Variants in CMIP observed in about 807,000 individuals in gnomAD.
The protein encoded by CMIP is C-Maf-inducing protein.
CMIP carries 13 observed loss-of-function variants against 97.3 expected under a neutral mutation model. The observed-to-expected ratio is 0.13, with a 90% CI of 0.09 to 0.21. The LOEUF (loss-of-function observed/expected upper bound fraction) is 0.21, where lower values mean the gene tolerates loss of function less well. CMIP is among the 10% of genes least tolerant of loss of function. The pLI is 1.00. For synonymous variants in CMIP, 538 were observed against 436.3 expected (o/e 1.23, Z -2.91); for missense variants, 847 against 1,024.9 (o/e 0.83, Z 2.37).
intron 1 of CMIP, among the ~76,000 whole-genome samples, chr16:81,595,529 C>T (rs1440822289): frequency 2.6e-5 from 4 of 152,042 alleles, no homozygotes; most frequent in Non-Finnish European, 2.9e-5. Flanking sequence ...GCTGGGACTA[C>T]AGGTGGATGC....
At chr16:81,622,799 CTG>C (rs2092010212) in intron 3 of CMIP, among the ~76,000 whole-genome samples, 1 of 152,210 alleles carries the variant, frequency 6.6e-6, no homozygotes, top group African/African-American at 2.4e-5. Flanking sequence ...TTTGTGAAAT[CTG>C]TGAGTATTGC....
intron 1 of CMIP, among the ~76,000 whole-genome samples, chr16:81,481,797 G>C (rs937830893): frequency 6.6e-6 from 1 of 151,928 alleles, no homozygotes; most frequent in Non-Finnish European, 1.5e-5. Context: ...GAGGCTGCTC[G>C]CATTCCTTCC....
At chr16:81,671,476 T>G (rs2092682637) in intron 8 of CMIP, among the ~76,000 whole-genome samples, 1 of 152,258 alleles carries the variant, frequency 6.6e-6, no homozygotes. Flanking sequence ...CTCATCATTT[T>G]TCTTCCAAAG....
chr16:81,664,191 C>T, intron 6 of CMIP, 78 bp from the exon 7 acceptor site: 1 of 1,402,138 alleles, frequency 7.1e-7, no homozygotes, highest in East Asian at 2.6e-5. Flanking sequence ...GCTGACTGTC[C>T]CCAGCCCTGC....
intron 9 of CMIP, among the ~76,000 whole-genome samples, chr16:81,675,640 A>C (rs984825701): frequency 1.3e-5 from 2 of 151,950 alleles, no homozygotes; most frequent in African/African-American, 4.8e-5. Flanking sequence ...TTCTAAACAA[A>C]CTCCACAAGT....
intron 1 of CMIP, among the ~76,000 whole-genome samples, chr16:81,451,749 A>G (rs16955361): frequency 0.012 from 1,786 of 152,286 alleles, 25 homozygotes; most frequent in African/African-American, 0.04. Context: ...GCTGACTTCC[A>G]CCCACAGAAC....
At chr16:81,452,571 A>G (rs898965) in intron 1 of CMIP, among the ~76,000 whole-genome samples, 4 of 151,676 alleles carry the variant, frequency 2.6e-5, no homozygotes, top group Non-Finnish European at 5.9e-5. Flanking sequence ...TGCTTTGTAC[A>G]TAGTGGTCAG....
In CMIP at chr16:81,566,368, T is replaced by G. The variant is rs562767602; in HGVS notation, c.301-41199T>G. On this transcript the variant is annotated intron_variant, in intron 1 of 20. Transcript: ENST00000537098. ...CTTTCAGACAGTGAAGGAGCCTTCC[T>G]CCCTCACTGCTGCTGTTCCTTCCTT... Among the ~76,000 whole-genome samples, 4 of 152,322 alleles carry G rather than the reference T, an allele frequency of 2.6e-5. No homozygotes were observed. The South Asian group carries it at 8.3e-4, about 32-fold the overall frequency.
chr16:81,559,059 C>T (rs1394818638), intron 1 of CMIP, among the ~76,000 whole-genome samples: 1 of 152,242 alleles, frequency 6.6e-6, no homozygotes, highest in Non-Finnish European at 1.5e-5. Flanking sequence ...CTGGGCGCCC[C>T]TCCTGCCGCC....
At chr16:81,660,516 C>G (rs1321612802) in intron 5 of CMIP, among the ~76,000 whole-genome samples, 2 of 152,168 alleles carry the variant, frequency 1.3e-5, no homozygotes, top group African/African-American at 4.8e-5. Flanking sequence ...CTCAAGTGAT[C>G]TACCTGCCTT....
intron 7 of CMIP, among the ~76,000 whole-genome samples, chr16:81,669,260 ACCT>A (rs1371279724): frequency 1.3e-5 from 1 of 76,290 alleles, no homozygotes; most frequent in Non-Finnish European, 2.5e-5. Flanking sequence ...TCTCACACTC[ACCT>A]CCTTCCACAT....
chr16:81,650,761 G>T (rs937299545), intron 3 of CMIP, among the ~76,000 whole-genome samples: 1 of 152,156 alleles, frequency 6.6e-6, no homozygotes, highest in African/African-American at 2.4e-5. Context: ...GTCCAGGATG[G>T]GTCAGGGTTA....
intron 12 of CMIP, 36 bp from the exon 13 acceptor site, chr16:81,693,403 C>T (rs929309127): frequency 1.2e-6 from 2 of 1,601,216 alleles, no homozygotes; most frequent in African/African-American, 1.3e-5. Flanking sequence ...CAGTTCCAGA[C>T]CCCGGCAGTA....
At chr16:81,466,508 T>C (rs1907215135) in intron 1 of CMIP, among the ~76,000 whole-genome samples, 1 of 152,252 alleles carries the variant, frequency 6.6e-6, no homozygotes, top group African/African-American at 2.4e-5. Flanking sequence ...AGCCTCAGTT[T>C]CCTTGTCTGT....
chr16:81,700,043 A>G (rs1367097432), intron 15 of CMIP, among the ~76,000 whole-genome samples: 2 of 152,084 alleles, frequency 1.3e-5, no homozygotes, highest in African/African-American at 4.8e-5. Flanking sequence ...TGTTCTGCTC[A>G]TTTATTGCTG....
chr16:81,455,467 G>A (rs150865007), intron 1 of CMIP, among the ~76,000 whole-genome samples: 23 of 152,350 alleles, frequency 1.5e-4, no homozygotes, highest in Non-Finnish European at 5.9e-5. Context: ...CCACGGAGAG[G>A]GAGGCGCAAG....
At chr16:81,498,958 C>G (rs535220807) in intron 1 of CMIP, among the ~76,000 whole-genome samples, 66 of 152,278 alleles carry the variant, frequency 4.3e-4, no homozygotes, top group African/African-American at 1.5e-3. Flanking sequence ...TTAGTAGGAC[C>G]CCATGTACAA....
chr16:81,603,784 T>C (rs13332492), intron 1 of CMIP, among the ~76,000 whole-genome samples: 17,628 of 152,114 alleles, frequency 0.12, 1,192 homozygotes, highest in African/African-American at 0.19. Flanking sequence ...TAGACTTGGG[T>C]TATGGGTTTG....
intron 1 of CMIP, among the ~76,000 whole-genome samples, chr16:81,484,478 T>C (rs1393860981): frequency 6.6e-6 from 1 of 152,150 alleles, no homozygotes. Flanking sequence ...ATTTTGACTC[T>C]GGTGGAGAAC....
Sources: allele counts gnomAD v4.1 joint callset (sites outside exome capture counted in the v4.1 genomes callset), GRCh38; gene constraint gnomAD v4.1.1; transcripts MANE v1.5; gene names NCBI Gene and HGNC (gene_info 2026-07-23, HGNC 2026-07-21).